The following PGPEP1L variants were observed in gnomAD, a reference collection of about 807,000 sequenced individuals.
The protein encoded by PGPEP1L is pyroglutamyl-peptidase I like, also known as pyroglutamyl-peptidase 1-like protein.
Under a neutral mutation model 6.0 loss-of-function variants are expected in PGPEP1L, and 7 were observed. That is an observed-to-expected ratio of 1.17 (90% CI 0.66 to 2.19). The LOEUF (loss-of-function observed/expected upper bound fraction) is 2.19, where lower values mean the gene tolerates loss of function less well. Among genes scored for constraint, PGPEP1L ranks in the 30% most tolerant of loss-of-function variants. The pLI is 0.00. For missense variants in PGPEP1L, 209 were observed against 192.5 expected (o/e 1.09, Z -0.51); for synonymous variants, 103 against 83.9 (o/e 1.23, Z -1.24).
chr15:98,998,426 C>T (rs147519412), intron 2 of PGPEP1L, among the ~76,000 whole-genome samples: 3 of 152,176 alleles, frequency 2.0e-5, no homozygotes, highest in East Asian at 1.9e-4. Context: ...TGCCAAGCTG[C>T]GAGGGCTTAA....
At chr15:98,982,051 G>C (rs904193025) in intron 2 of PGPEP1L, among the ~76,000 whole-genome samples, 1 of 152,210 alleles carries the variant, frequency 6.6e-6, no homozygotes, top group African/African-American at 2.4e-5. Flanking sequence ...GGTTTAGCTA[G>C]AACTAAACAT....
chr15:98,981,418 A>G (rs1801466793), intron 2 of PGPEP1L, among the ~76,000 whole-genome samples: 2 of 147,114 alleles, frequency 1.4e-5, no homozygotes, highest in African/African-American at 4.9e-5. Context: ...TGAACCCGGG[A>G]GGCAGAGCTT....
chr15:99,006,567 G>A (rs188094101), intron 1 of PGPEP1L, among the ~76,000 whole-genome samples: 7 of 152,328 alleles, frequency 4.6e-5, no homozygotes, highest in East Asian at 1.9e-4. Flanking sequence ...ACTGGCTCAC[G>A]CCTTTAATTT....
intron 2 of PGPEP1L, among the ~76,000 whole-genome samples, chr15:99,000,786 G>A (rs536619144): frequency 6.6e-6 from 1 of 152,272 alleles, no homozygotes; most frequent in Non-Finnish European, 1.5e-5. Flanking sequence ...TCAGCAGGAT[G>A]TGGGTGGGGC....
In PGPEP1L at chr15:98,968,602, G is replaced by A. The variant is rs1202218005; in HGVS notation, c.305C>T (p.Ala102Val). ...TCTCAAGGCTCTTCCCAGCAGGCTGGCCGGGAGCCCGCGCGATAGTGGAGG... is the reference window on the plus strand; with the variant it reads ...TCTCAAGGCTCTTCCCAGCAGGCTGACCGGGAGCCCGCGCGATAGTGGAGG... ...HVPPLSRGLP[A>V]SLLGRALRVI... Residue 102 changes from alanine (A) to valine (V), a missense_variant, in exon 5 of 5, where the codon GCC (alanine) becomes GTC (valine). Physicochemically the swap from Ala to Val is moderately conservative, Grantham distance 64 (BLOSUM62 0). Coordinates refer to ENST00000535714, the MANE Select transcript of PGPEP1L (RefSeq NM_001167902.2). The A allele has an allele frequency of 2.6e-5, 42 of 1,609,798 alleles. No homozygotes were observed. The highest frequency in any genetic ancestry group is 3.3e-5 in the Non-Finnish European group (39 of 1,178,158).
At chr15:98,994,562 G>A (rs568755317) in intron 2 of PGPEP1L, among the ~76,000 whole-genome samples, 1 of 151,976 alleles carries the variant, frequency 6.6e-6, no homozygotes, top group African/African-American at 2.4e-5. Flanking sequence ...TTCCAGCCTG[G>A]GCAATTGGAG....
At chr15:98,971,545 C>A (rs1370330459) in intron 2 of PGPEP1L, among the ~76,000 whole-genome samples, 1 of 152,104 alleles carries the variant, frequency 6.6e-6, no homozygotes, top group Non-Finnish European at 1.5e-5. Context: ...AAAAAACCCA[C>A]CAACAACAAT....
chr15:98,991,165 G>C lies in PGPEP1L; in HGVS notation c.-142+14264C>G, dbSNP rs562063473. Among the ~76,000 whole-genome samples the C allele has an allele frequency of 3.9e-5, 6 of 152,090 alleles. No homozygotes were observed. In the South Asian group the frequency reaches 1.2e-3, roughly 32 times the overall value. ...AAAACCCTTCAAAAAAAAAATCAAT[G>C]AATCCAGGAGCTGGTTTTTTGAAAA... On this transcript the variant is annotated intron_variant, in intron 2 of 4. Transcript: ENST00000535714.
intron 2 of PGPEP1L, among the ~76,000 whole-genome samples, chr15:98,985,640 G>A (rs1390544790): frequency 6.6e-6 from 1 of 152,234 alleles, no homozygotes; most frequent in African/African-American, 2.4e-5. Context: ...AAGAGCGCAA[G>A]TGGGCTGAAC....
chr15:98,968,419 G>C lies in PGPEP1L; in HGVS notation c.*59C>G. The C allele has an allele frequency of 6.5e-7, 1 of 1,532,496 alleles. No homozygotes were observed. The highest frequency in any genetic ancestry group is 1.2e-5 in the South Asian group (1 of 84,594). The allele number at this position is 1,532,496 out of a possible 1,614,324, so 94.9% of individuals were successfully genotyped here. A position where few individuals can be genotyped will look rare whatever the true frequency, so the allele number is the denominator to read the frequency against. ...TTTTGAAAAAGTTTCTCAATGCACA[G>C]TTGAGTGCTACATACAGGATTGAAA... On this transcript the variant is annotated 3_prime_UTR_variant, in exon 5 of 5. Coordinates refer to ENST00000535714, the MANE Select transcript of PGPEP1L (RefSeq NM_001167902.2).
intron 2 of PGPEP1L, among the ~76,000 whole-genome samples, chr15:99,001,940 A>T (rs2017977709): frequency 6.6e-6 from 1 of 151,944 alleles, no homozygotes; most frequent in African/African-American, 2.4e-5. Context: ...CTGGTCTCGA[A>T]CTCCTGCCCT....
intron 2 of PGPEP1L, among the ~76,000 whole-genome samples, chr15:98,978,726 A>ATTTTTTT (rs57804945): frequency 1.2e-5 from 1 of 85,254 alleles, no homozygotes; most frequent in African/African-American, 5.1e-5. Flanking sequence ...ATATATATAT[A>ATTTTTTT]TTTTTTTTTT....
At chr15:98,973,421 C>T (rs2017526153) in intron 2 of PGPEP1L, among the ~76,000 whole-genome samples, 1 of 152,220 alleles carries the variant, frequency 6.6e-6, no homozygotes, top group Admixed American at 6.5e-5. Flanking sequence ...TTTTTCTCAA[C>T]AGCACATGGA....
chr15:98,971,387 G>C (rs543139921), intron 2 of PGPEP1L, among the ~76,000 whole-genome samples: 1 of 152,276 alleles, frequency 6.6e-6, no homozygotes, highest in South Asian at 2.1e-4. Context: ...CCAGCTACTT[G>C]GGAGGCTGAG....
intron 2 of PGPEP1L, among the ~76,000 whole-genome samples, chr15:98,995,962 T>C (rs781947005): frequency 5.3e-5 from 8 of 152,232 alleles, no homozygotes; most frequent in Non-Finnish European, 8.8e-5. Flanking sequence ...TCATTTACCG[T>C]AATTCTAACC....
At chr15:98,976,337 C>T (rs1184585088) in intron 2 of PGPEP1L, among the ~76,000 whole-genome samples, 2 of 152,078 alleles carry the variant, frequency 1.3e-5, no homozygotes, top group Non-Finnish European at 2.9e-5. Context: ...AGACTAAATC[C>T]GTAGTAAATC....
intron 2 of PGPEP1L, among the ~76,000 whole-genome samples, chr15:98,990,435 C>T (rs1409066620): frequency 1.3e-5 from 2 of 152,244 alleles, no homozygotes; most frequent in East Asian, 3.9e-4. Context: ...CATATGCACC[C>T]AATATAGGAG....
chr15:98,986,274 C>G (rs2017745405), intron 2 of PGPEP1L, among the ~76,000 whole-genome samples: 1 of 152,018 alleles, frequency 6.6e-6, no homozygotes, highest in Non-Finnish European at 1.5e-5. Context: ...ATCTGGCCAC[C>G]AGAAAAAAAC....
At chr15:98,998,100 A>G (rs2017912786) in intron 2 of PGPEP1L, 1 of 152,648 alleles carries the variant, frequency 6.6e-6, no homozygotes, top group South Asian at 2.1e-4. Context: ...CTTGAGCTAC[A>G]GGGTTTTTAC....
Sources: allele counts gnomAD v4.1 joint callset (sites outside exome capture counted in the v4.1 genomes callset), GRCh38; gene constraint gnomAD v4.1.1; transcripts MANE v1.5; gene names NCBI Gene and HGNC (gene_info 2026-07-23, HGNC 2026-07-21).